The following SLC7A6 variants were observed in gnomAD, a reference collection of about 807,000 sequenced individuals.
SLC7A6 encodes the protein Y+L amino acid transporter 2.
Under a neutral mutation model 46.6 loss-of-function variants are expected in SLC7A6, and 29 were observed. The observed-to-expected ratio is 0.62, with a 90% CI of 0.46 to 0.85. SLC7A6 has a LOEUF of 0.85. Ranked by LOEUF, SLC7A6 falls within the 40% of genes least tolerant of loss-of-function variation. The pLI is 0.00. For synonymous variants in SLC7A6, 276 were observed against 257.3 expected (o/e 1.07, Z -0.70); for missense variants, 527 against 647.6 (o/e 0.81, Z 2.02).
intron 2 of SLC7A6, among the ~76,000 whole-genome samples, chr16:68,271,911 C>T (rs967447054): frequency 2.6e-4 from 40 of 152,134 alleles, no homozygotes; most frequent in African/African-American, 8.9e-4. Flanking sequence ...AGGTGATTCT[C>T]CTGCCTCAGC....
chr16:68,270,075 G>A (rs576550754), intron 2 of SLC7A6, among the ~76,000 whole-genome samples: 1 of 152,266 alleles, frequency 6.6e-6, no homozygotes, highest in East Asian at 1.9e-4. Context: ...GCCACCCTCA[G>A]CTTTAGGATT....
At chr16:68,272,243 GTC>G (rs2151215222) in intron 2 of SLC7A6, among the ~76,000 whole-genome samples, 1 of 148,870 alleles carries the variant, frequency 6.7e-6, no homozygotes, top group Non-Finnish European at 1.5e-5. Flanking sequence ...GTGAAACACT[GTC>G]TCTACAGACA....
At chr16:68,270,294 C>T (rs1172876566) in intron 2 of SLC7A6, among the ~76,000 whole-genome samples, 5 of 152,084 alleles carry the variant, frequency 3.3e-5, no homozygotes, top group African/African-American at 7.2e-5. Flanking sequence ...AAGACACCTC[C>T]GGTGGTCTTG....
At chr16:68,290,656 A>C in intron 5 of SLC7A6, 116 bp downstream of exon 5, 3 of 1,235,706 alleles carry the variant, frequency 2.4e-6, no homozygotes, top group Non-Finnish European at 3.5e-6. Context: ...TCTTCTCCCT[A>C]CTCCCCCTTC....
intron 4 of SLC7A6, among the ~76,000 whole-genome samples, chr16:68,288,880 C>T (rs1192825048): frequency 2.1e-5 from 3 of 143,952 alleles, no homozygotes; most frequent in African/African-American, 7.9e-5. Flanking sequence ...AGGAGAATGG[C>T]TTGAAAACAG....
At position 68,297,590 on chromosome 16, in the gene SLC7A6, G is replaced by C. The variant is rs2043196352; in HGVS notation, c.*262G>C. 2.6e-6 allele frequency: 1 copy of C among 392,150 alleles called. No homozygotes were observed. Among genetic ancestry groups the C allele is most frequent in the Non-Finnish European group, 4.6e-6 (1 of 217,744 alleles). 24.3% of individuals were successfully genotyped at this position (392,150 alleles called of 1,614,324 possible). On this transcript the variant is annotated 3_prime_UTR_variant, in exon 11 of 11. Coordinates refer to ENST00000219343, the MANE Select transcript of SLC7A6 (RefSeq NM_003983.6). ...CATTTAGTTTTACTCCTGATAGGTAGATGCAGCTCTTACAGATATTTACTT... is the reference window on the plus strand; with the variant it reads ...CATTTAGTTTTACTCCTGATAGGTACATGCAGCTCTTACAGATATTTACTT...
intron 2 of SLC7A6, 101 bp from the exon 3 acceptor site, chr16:68,274,590 A>G: frequency 2.1e-6 from 2 of 950,012 alleles, no homozygotes; most frequent in Non-Finnish European, 3.2e-6. Flanking sequence ...GGCTGTGTGC[A>G]TGGCATGCTG....
At chr16:68,278,647 A>C (rs2042764286) in intron 3 of SLC7A6, among the ~76,000 whole-genome samples, 1 of 152,202 alleles carries the variant, frequency 6.6e-6, no homozygotes, top group Non-Finnish European at 1.5e-5. Flanking sequence ...ATAGATCAAC[A>C]GCATCCCAAG....
intron 3 of SLC7A6, among the ~76,000 whole-genome samples, chr16:68,277,562 C>T (rs1291240279): frequency 1.3e-5 from 2 of 151,880 alleles, no homozygotes; most frequent in Non-Finnish European, 2.9e-5. Context: ...CCGCCCGCCT[C>T]GGCCTCCCAA....
At chr16:68,296,165 G>A (rs546005263) in intron 8 of SLC7A6, among the ~76,000 whole-genome samples, 199 bp from the exon 9 acceptor site, 77 of 152,270 alleles carry the variant, frequency 5.1e-4, no homozygotes, top group African/African-American at 1.5e-3. Flanking sequence ...ACAGAAGGGG[G>A]AAAGATGCTA....
chr16:68,301,430 T>A lies in SLC7A6; in HGVS notation c.*4102T>A. 6.2e-7 allele frequency: 1 copy of A among 1,605,248 alleles called. No homozygotes were observed. The highest frequency in any genetic ancestry group is 8.5e-7 in the Non-Finnish European group (1 of 1,174,390). On this transcript the variant is annotated 3_prime_UTR_variant, in exon 11 of 11. Transcript: ENST00000219343. The stretch of plus-strand genomic sequence containing the variant: ...CCTAGAATGACATCCCGGGAGTGGA[T>A]TCTAAATGTGATTTTCCTAGGCTAC...
rs994998800 is a variant in SLC7A6, at chr16:68,279,625, AC to A, written c.523+4378del. Reference sequence around the variant, plus strand: ...TCAATCTTGGCTCACTGCAACCTCCACCTCCCAGGTTCAAGTGATTCTCCTG... The same window carrying A: ...TCAATCTTGGCTCACTGCAACCTCCACTCCCAGGTTCAAGTGATTCTCCTG... On this transcript the variant is annotated intron_variant, in intron 3 of 10. Transcript: ENST00000219343. Among the ~76,000 whole-genome samples the A allele has an allele frequency of 2.9e-4, 44 of 152,100 alleles. 1 individual carries two copies. The highest frequency in any genetic ancestry group is 9.6e-4 in the African/African-American group (40 of 41,496).
At position 68,296,528 on chromosome 16, in the gene SLC7A6, C is replaced by A. The variant is rs975821400; in HGVS notation, c.1269+15C>A. The A allele has an allele frequency of 2.2e-5, 35 of 1,614,034 alleles. No homozygotes were observed. Among genetic ancestry groups the A allele is most frequent in the Non-Finnish European group, 2.8e-5 (33 of 1,180,042 alleles). The stretch of plus-strand genomic sequence containing the variant: ...GGCCTCTCAAGGTCAGCAGCTCTGG[C>A]CAGACTAGGAGGGGTGGGCCATCTC... On this transcript the variant is annotated intron_variant, in intron 9 of 10. Coordinates refer to ENST00000219343, the MANE Select transcript of SLC7A6 (RefSeq NM_003983.6).
At chr16:68,290,704 G>A (rs1830335171) in intron 5 of SLC7A6, 164 bp downstream of exon 5, 1 of 831,844 alleles carries the variant, frequency 1.2e-6, no homozygotes, top group Non-Finnish European at 1.9e-6. Flanking sequence ...ATGGGAGTGA[G>A]TGAAGGTAGG....
Position 68,266,338 on chromosome 16 carries a change from A to G in SLC7A6, c.-165-255A>G, listed in dbSNP as rs945429336. On this transcript the variant is annotated intron_variant, in intron 1 of 10. Coordinates refer to ENST00000219343, the MANE Select transcript of SLC7A6 (RefSeq NM_003983.6). ...AGAGCTGCCTAGACTTACATGATTT[A>G]ATGTGACAAGGCCAGTTCTCTGACA... Among the ~76,000 whole-genome samples, 7 of 152,222 alleles carry G rather than the reference A, an allele frequency of 4.6e-5. No homozygotes were observed. In the South Asian group the frequency reaches 1.0e-3, roughly 23 times the overall value.
At chr16:68,296,274 T>C in intron 8 of SLC7A6, 90 bp from the exon 9 acceptor site, 1 of 1,421,720 alleles carries the variant, frequency 7.0e-7, no homozygotes, top group Non-Finnish European at 9.8e-7. Context: ...TGAAGTGGCA[T>C]CAGATCTAGT....
chr16:68,289,033 C>T (rs2042994342), intron 4 of SLC7A6, among the ~76,000 whole-genome samples: 1 of 150,120 alleles, frequency 6.7e-6, no homozygotes, highest in African/African-American at 2.5e-5. Flanking sequence ...CCTGTAATCT[C>T]AGCACTCTGG....
In SLC7A6 at chr16:68,299,209, G is replaced by A. The variant is rs915080960; in HGVS notation, c.*1881G>A. 2 of 152,610 alleles carry A rather than the reference G, an allele frequency of 1.3e-5. No individual in the cohort carries two copies. The highest frequency in any genetic ancestry group is 4.8e-5 in the African/African-American group (2 of 41,446). 9.5% of individuals were successfully genotyped at this position (152,610 alleles called of 1,614,324 possible). On this transcript the variant is annotated 3_prime_UTR_variant, in exon 11 of 11. Coordinates refer to ENST00000219343, the MANE Select transcript of SLC7A6 (RefSeq NM_003983.6). Reference sequence around the variant, plus strand: ...TGGCACCCATCCCAGGGCTCCTCTGGAGCTAATCCTTTAAGCAAAATGTGC... The same window carrying A: ...TGGCACCCATCCCAGGGCTCCTCTGAAGCTAATCCTTTAAGCAAAATGTGC...
intron 3 of SLC7A6, among the ~76,000 whole-genome samples, chr16:68,280,383 T>C (rs1049337022): frequency 1.3e-5 from 2 of 152,216 alleles, no homozygotes; most frequent in African/African-American, 4.8e-5. Context: ...GGGCAGAGGC[T>C]GCCAGCTGGT....
Sources: allele counts gnomAD v4.1 joint callset (sites outside exome capture counted in the v4.1 genomes callset), GRCh38; gene constraint gnomAD v4.1.1; transcripts MANE v1.5; gene names NCBI Gene and HGNC (gene_info 2026-07-23, HGNC 2026-07-21).